The following LPCAT2 variants were observed in gnomAD, a reference collection of about 807,000 sequenced individuals.
LPCAT2 encodes the protein 1-AGP acyltransferase 11.
A neutral mutation model predicts 64.7 loss-of-function variants in LPCAT2; 58 were observed. The observed-to-expected ratio is 0.90, with a 90% CI of 0.73 to 1.12. The LOEUF is 1.12. LPCAT2 is among the 50% of genes most tolerant of loss of function. LPCAT2 has a pLI of 0.00. For synonymous variants in LPCAT2, 252 were observed against 245.3 expected, an observed-to-expected ratio of 1.03 and a Z score of -0.26; for missense variants, 579 against 669.8, an observed-to-expected ratio of 0.86 and a Z score of 1.50.
chr16:55,546,709 T>G (rs1285102776), intron 9 of LPCAT2, among the ~76,000 whole-genome samples: 1 of 152,216 alleles, frequency 6.6e-6, no homozygotes. Context: ...GGCAAAAAAT[T>G]TGCTATTAAG....
At chr16:55,554,443 T>A (rs1408430437) in intron 11 of LPCAT2, among the ~76,000 whole-genome samples, 1 of 152,216 alleles carries the variant, frequency 6.6e-6, no homozygotes, top group African/African-American at 2.4e-5. Flanking sequence ...CTCTGCTAGC[T>A]TCAATCTTTT....
At chr16:55,535,939 G>T (rs1343124219) in intron 7 of LPCAT2, among the ~76,000 whole-genome samples, 1 of 152,164 alleles carries the variant, frequency 6.6e-6, no homozygotes, top group Non-Finnish European at 1.5e-5. Context: ...CAACTGAGAA[G>T]TATGTGAGAA....
intron 1 of LPCAT2, among the ~76,000 whole-genome samples, chr16:55,513,755 T>C (rs1962967663): frequency 2.0e-5 from 3 of 152,198 alleles, no homozygotes; most frequent in Admixed American, 1.3e-4. Context: ...AAAAATAGTG[T>C]TGGAGCATTT....
chr16:55,576,528 T>C (rs1428613442), intron 12 of LPCAT2, among the ~76,000 whole-genome samples: 1 of 151,944 alleles, frequency 6.6e-6, no homozygotes, highest in Admixed American at 6.6e-5. Context: ...GCCAGGAAGC[T>C]TCAGAGGTCC....
intron 1 of LPCAT2, among the ~76,000 whole-genome samples, chr16:55,512,837 T>C (rs900806078): frequency 1.3e-5 from 2 of 152,134 alleles, no homozygotes; most frequent in African/African-American, 4.8e-5. Context: ...GGTGATACCA[T>C]AGGAGAAAAG....
chr16:55,567,256 G>A (rs749909918), intron 11 of LPCAT2: 14 of 1,613,504 alleles, frequency 8.7e-6, no homozygotes, highest in Non-Finnish European at 1.2e-5. Context: ...GACCATTCTG[G>A]GTCTCTGGGA....
chr16:55,559,762 C>T (rs1288730919), intron 11 of LPCAT2, among the ~76,000 whole-genome samples: 2 of 123,980 alleles, frequency 1.6e-5, no homozygotes, highest in Non-Finnish European at 3.3e-5. Context: ...TTATATGATA[C>T]AATTTGAAAA....
At chr16:55,516,618 A>G (rs530822751) in intron 1 of LPCAT2, among the ~76,000 whole-genome samples, 1 of 152,224 alleles carries the variant, frequency 6.6e-6, no homozygotes, top group African/African-American at 2.4e-5. Flanking sequence ...CCATATATGC[A>G]TCTAGCAGCA....
intron 11 of LPCAT2, among the ~76,000 whole-genome samples, chr16:55,557,684 T>G (rs1963592872): frequency 6.6e-6 from 1 of 152,168 alleles, no homozygotes. Flanking sequence ...CCCTTTCTTC[T>G]TTTCTTTTCT....
chr16:55,516,099 T>C (rs1428239076), intron 1 of LPCAT2, among the ~76,000 whole-genome samples: 1 of 152,154 alleles, frequency 6.6e-6, no homozygotes, highest in Non-Finnish European at 1.5e-5. Flanking sequence ...AGAGACACAC[T>C]TTATTTATTC....
At chr16:55,578,283 G>T (rs1190704140) in intron 12 of LPCAT2, among the ~76,000 whole-genome samples, 1 of 152,098 alleles carries the variant, frequency 6.6e-6, no homozygotes, top group Non-Finnish European at 1.5e-5. Flanking sequence ...TTCCTAAAAT[G>T]ATATTCTGAA....
chr16:55,515,231 C>T (rs1187072058), intron 1 of LPCAT2, among the ~76,000 whole-genome samples: 5 of 117,958 alleles, frequency 4.2e-5, no homozygotes, highest in Admixed American at 3.7e-4. Flanking sequence ...AGAATAAACT[C>T]AAAGATACCT....
Position 55,548,662 on chromosome 16 carries a change from A to G in LPCAT2, c.936-615A>G, listed in dbSNP as rs117100373. On this transcript the variant is annotated intron_variant, in intron 9 of 13. Transcript: ENST00000262134. ...CTTAGCCTCCTGAGTAGCTGAGACT[A>G]CAGGTGTGCCTCACGTAATTTTTAT... is the stretch of plus-strand genomic sequence containing the variant. Among the ~76,000 whole-genome samples the G allele has an allele frequency of 9.1e-4, 139 of 152,222 alleles. 1 individual carries two copies. The highest frequency in any genetic ancestry group is 7.9e-3 in the East Asian group (41 of 5,178).
At chr16:55,575,861 T>C (rs770595597) in intron 12 of LPCAT2, among the ~76,000 whole-genome samples, 8 of 152,252 alleles carry the variant, frequency 5.3e-5, no homozygotes, top group Non-Finnish European at 1.2e-4. Flanking sequence ...TAGCAGATGG[T>C]CATAAGGCAA....
chr16:55,569,983 A>G (rs1167504337), intron 11 of LPCAT2, among the ~76,000 whole-genome samples: 1 of 152,218 alleles, frequency 6.6e-6, no homozygotes, highest in African/African-American at 2.4e-5. Context: ...TATATAATTC[A>G]TATAACTCCA....
rs368059354 is a variant in LPCAT2 at position 55,545,747 on chromosome 16, C to T, written c.865C>T (p.Gln289Ter). ...TKVEVEFMPV[Q>*]VPNDEEKNDP... Reference sequence around the variant, plus strand: ...ATTTGTCTTTCAGTTTATGCCAGTTCAAGTACCAAATGATGAAGAAAAAAA... The same window carrying T: ...ATTTGTCTTTCAGTTTATGCCAGTTTAAGTACCAAATGATGAAGAAAAAAA... The change falls in exon 9 of 14, where the codon CAA becomes TAA. Residue 289 changes from glutamine to a stop codon, truncating the protein, a stop_gained. Coordinates refer to ENST00000262134, the MANE Select transcript of LPCAT2 (RefSeq NM_017839.5). LOFTEE classifies it high-confidence loss of function. 11 of 1,611,404 alleles carry T rather than the reference C, an allele frequency of 6.8e-6. No individual in the cohort carries two copies. In the African/African-American group the frequency reaches 1.1e-4, roughly 16 times the overall value.
chr16:55,552,088 A>T (rs964195393), intron 11 of LPCAT2, among the ~76,000 whole-genome samples: 2 of 152,138 alleles, frequency 1.3e-5, no homozygotes, highest in Non-Finnish European at 2.9e-5. Flanking sequence ...CAGCTATTCC[A>T]TTTGTAGTCA....
intron 11 of LPCAT2, chr16:55,566,994 C>A (rs761123531): frequency 6.2e-7 from 1 of 1,613,814 alleles, no homozygotes; most frequent in East Asian, 2.2e-5. Context: ...GGAAGTTAGG[C>A]GATTTCGGCA....
At chr16:55,525,775 G>A (rs1054308183) in intron 2 of LPCAT2, 128 bp downstream of exon 2, 1 of 507,434 alleles carries the variant, frequency 2.0e-6, no homozygotes, top group Admixed American at 4.3e-5. Context: ...TATTTTATCT[G>A]CCTACTCAAT....
Sources: gnomAD v4.1 joint callset for allele counts (sites outside exome capture counted in the v4.1 genomes callset) on GRCh38, gnomAD v4.1.1 for gene constraint, MANE v1.5 for transcripts, NCBI Gene and HGNC (gene_info 2026-07-23, HGNC 2026-07-21) for gene names.